Variants in KALRN observed in about 807,000 individuals in gnomAD.
The protein encoded by KALRN is kalirin RhoGEF kinase.
KALRN carries 70 observed loss-of-function variants against 353.7 expected under a neutral mutation model. That is an observed-to-expected ratio of 0.20 (90% confidence interval 0.16 to 0.24). The LOEUF is 0.24. Among genes scored for constraint, KALRN ranks in the 10% least tolerant of loss-of-function variants. The pLI is 1.00. For synonymous variants in KALRN, 1,391 were observed against 1,434.8 expected, an observed-to-expected ratio of 0.97 and a Z score of 0.69; for missense variants, 2,791 against 3,756.7, an observed-to-expected ratio of 0.74 and a Z score of 6.72.
At chr3:124,037,532 G>A (rs1199315887) in intron 1 of KALRN, among the ~76,000 whole-genome samples, 1 of 152,192 alleles carries the variant, frequency 6.6e-6, no homozygotes, top group Non-Finnish European at 1.5e-5. Flanking sequence ...ATGGATTCTT[G>A]AACAATGACA....
In KALRN at chr3:124,719,072, A is replaced by G; in HGVS notation, c.8563A>G (p.Ile2855Val). ...TGCTGCCCCAGAAGTCATTCAAGGC[A>G]TCCCCGTCTCCCTGGGGACAGACAT... ...EFAAPEVIQG[I>V]PVSLGTDIWS... The change falls in exon 60 of 60, where the codon ATC (isoleucine) becomes GTC (valine). Residue 2855 changes from isoleucine (I) to valine (V), a missense_variant. Ile to Val is a conservative substitution (Grantham distance 29). This residue lies in a region of KALRN where 188 missense variants were observed against 402.9 expected (regional missense o/e 0.47). Transcript: ENST00000682506. This position sits in a 1 kb window ranked among gnomAD's most constrained non-coding sequence, Gnocchi z 5.3. 6.2e-7 allele frequency: 1 copy of G among 1,614,240 alleles called. No individual in the cohort carries two copies. Among genetic ancestry groups the G allele is most frequent in the Non-Finnish European group, 8.5e-7 (1 of 1,180,042 alleles).
At chr3:124,667,765 G>A (rs1214680256) in intron 47 of KALRN, among the ~76,000 whole-genome samples, 1 of 152,172 alleles carries the variant, frequency 6.6e-6, no homozygotes, top group Admixed American at 6.5e-5. Context: ...AGCTCTTTGT[G>A]GCCCTTGCAG....
intron 6 of KALRN, among the ~76,000 whole-genome samples, chr3:124,308,154 A>C (rs1381152614): frequency 6.6e-6 from 1 of 152,078 alleles, no homozygotes; most frequent in Non-Finnish European, 1.5e-5. Flanking sequence ...CTAACAAAAA[A>C]GTACCAAAAT....
chr3:124,374,569 C>T (rs2086317449), intron 10 of KALRN: 1 of 152,196 alleles, frequency 6.6e-6, no homozygotes, highest in African/African-American at 2.4e-5. Flanking sequence ...GTCACCTCAC[C>T]ATCTGACCCA....
intron 1 of KALRN, among the ~76,000 whole-genome samples, chr3:124,148,078 C>T (rs2067594643): frequency 6.6e-6 from 1 of 152,058 alleles, no homozygotes; most frequent in Non-Finnish European, 1.5e-5. Flanking sequence ...AAGAAACATC[C>T]CACCCAGATG....
At chr3:124,145,417 A>C (rs1920615) in intron 1 of KALRN, among the ~76,000 whole-genome samples, 4 of 152,028 alleles carry the variant, frequency 2.6e-5, no homozygotes, top group Non-Finnish European at 5.9e-5. Flanking sequence ...TGGGTCTGAG[A>C]TGTAGGAGTG....
At chr3:124,557,438 CTAAT>C (rs1225497894) in intron 33 of KALRN, among the ~76,000 whole-genome samples, 1 of 152,146 alleles carries the variant, frequency 6.6e-6, no homozygotes, top group Non-Finnish European at 1.5e-5. Flanking sequence ...GGGACATTAC[CTAAT>C]TAAATGAAAT....
chr3:124,494,257 T>G (rs756974923), intron 32 of KALRN, among the ~76,000 whole-genome samples: 4 of 152,320 alleles, frequency 2.6e-5, no homozygotes, highest in South Asian at 2.1e-4. Context: ...AACCAAGCAG[T>G]CTTTAATTCC....
At chr3:124,138,906 A>AGTTGAG (rs1043274743) in intron 1 of KALRN, among the ~76,000 whole-genome samples, 13 of 152,124 alleles carry the variant, frequency 8.5e-5, no homozygotes, top group African/African-American at 2.4e-5. Context: ...GGAGCCCAAA[A>AGTTGAG]GTTGAGATGG....
intron 1 of KALRN, among the ~76,000 whole-genome samples, chr3:124,225,935 A>C (rs1428367047): frequency 6.6e-6 from 1 of 152,250 alleles, no homozygotes; most frequent in Non-Finnish European, 1.5e-5. Context: ...GAACTTGTAA[A>C]TAATCTGAAA....
chr3:124,564,747 A>T (rs776056143), intron 34 of KALRN, among the ~76,000 whole-genome samples: 4 of 152,258 alleles, frequency 2.6e-5, no homozygotes, highest in African/African-American at 4.8e-5. Context: ...CCACTCCTCC[A>T]GAGCCGGTGG....
intron 8 of KALRN, among the ~76,000 whole-genome samples, chr3:124,332,707 C>T (rs902079248): frequency 2.6e-5 from 4 of 152,026 alleles, no homozygotes; most frequent in Admixed American, 6.6e-5. Context: ...GTTGGGGAAC[C>T]GAGGAAAGTG....
chr3:124,312,942 A>G (rs2078424725), intron 6 of KALRN, among the ~76,000 whole-genome samples: 1 of 152,248 alleles, frequency 6.6e-6, no homozygotes, highest in Non-Finnish European at 1.5e-5. Flanking sequence ...CGCTTGTTGA[A>G]TGAACTATGA....
intron 41 of KALRN, 58 bp from the exon 42 acceptor site, chr3:124,658,373 G>C: frequency 7.4e-7 from 1 of 1,344,894 alleles, no homozygotes; most frequent in Non-Finnish European, 1.1e-6. Context: ...GGCACTCTGA[G>C]ATTGAACAAA....
chr3:124,258,719 C>A (rs2072411255), intron 3 of KALRN, among the ~76,000 whole-genome samples: 1 of 152,182 alleles, frequency 6.6e-6, no homozygotes, highest in South Asian at 2.1e-4. Context: ...CACCAGATTT[C>A]TCTTTTAACT....
At chr3:124,244,206 A>G (rs1236950553) in intron 3 of KALRN, among the ~76,000 whole-genome samples, 3 of 152,156 alleles carry the variant, frequency 2.0e-5, no homozygotes, top group Admixed American at 6.5e-5. Flanking sequence ...GATAATAACA[A>G]TATATTAACA....
chr3:124,311,754 T>C (rs1433147799), intron 6 of KALRN, among the ~76,000 whole-genome samples: 13 of 152,318 alleles, frequency 8.5e-5, no homozygotes, highest in Non-Finnish European at 1.5e-5. Context: ...CAAGTTTCCA[T>C]AAACTGATGA....
At chr3:124,714,789 G>A (rs749929245) in intron 58 of KALRN, among the ~76,000 whole-genome samples, 2 of 152,288 alleles carry the variant, frequency 1.3e-5, no homozygotes, top group Non-Finnish European at 2.9e-5. Flanking sequence ...GCCGAGGTGG[G>A]CGGATCACTT....
intron 1 of KALRN, among the ~76,000 whole-genome samples, chr3:124,203,344 T>G (rs1281292166): frequency 6.6e-6 from 1 of 152,180 alleles, no homozygotes; most frequent in Non-Finnish European, 1.5e-5. Context: ...AGGTTCTATT[T>G]GATTGTGCCC....
Sources: allele counts gnomAD v4.1 joint callset (sites outside exome capture counted in the v4.1 genomes callset), GRCh38; gene constraint gnomAD v4.1.1; regional missense constraint gnomAD v4.1.1; non-coding constraint Gnocchi (gnomAD v3.1); transcripts MANE v1.5; gene names NCBI Gene and HGNC (gene_info 2026-07-23, HGNC 2026-07-21).